The following GTF2H3 variants were observed in gnomAD, a reference collection of about 807,000 sequenced individuals.
The protein encoded by GTF2H3 is general transcription factor IIH subunit 3.
In GTF2H3, 42 loss-of-function variants were observed where a neutral mutation model predicts 51.1. That is an observed-to-expected ratio of 0.82 (90% confidence interval 0.64 to 1.06). The LOEUF (loss-of-function observed/expected upper bound fraction) is 1.06, where lower values mean the gene tolerates loss of function less well. Among genes scored for constraint, GTF2H3 ranks in the 50% least tolerant of loss-of-function variants. The pLI is 0.00. For synonymous variants in GTF2H3, 123 were observed against 123.8 expected, an observed-to-expected ratio of 0.99 and a Z score of 0.04; for missense variants, 326 against 366.1, an observed-to-expected ratio of 0.89 and a Z score of 0.89.
At chr12:123,660,141 A>C (rs750800435) in intron 12 of GTF2H3, 25 bp from the exon 13 acceptor site, 53 of 1,608,410 alleles carry the variant, frequency 3.3e-5, no homozygotes, top group African/African-American at 5.4e-5. Flanking sequence ...AACATTAAAA[A>C]ATGTTTTCCT....
At chr12:123,644,679 G>A (rs1010516794) in intron 2 of GTF2H3, among the ~76,000 whole-genome samples, 1 of 151,410 alleles carries the variant, frequency 6.6e-6, no homozygotes, top group African/African-American at 2.4e-5. Flanking sequence ...AAAAAAAAAA[G>A]TTTTTAATTC....
intron 2 of GTF2H3, chr12:123,639,894 C>CGTGT (rs567624663): frequency 0.031 from 12,796 of 419,246 alleles, 305 homozygotes; most frequent in African/African-American, 0.094. Context: ...TGTATGCGTG[C>CGTGT]GTGCGTGTAT....
At chr12:123,657,325 G>A (rs537401500) in intron 9 of GTF2H3, among the ~76,000 whole-genome samples, 2 of 152,324 alleles carry the variant, frequency 1.3e-5, no homozygotes, top group African/African-American at 4.8e-5. Context: ...CCTTCCAGAT[G>A]CTGCTTGCTG....
At chr12:123,635,008 G>A (rs1012546536) in intron 1 of GTF2H3, among the ~76,000 whole-genome samples, 6 of 152,152 alleles carry the variant, frequency 3.9e-5, no homozygotes, top group Non-Finnish European at 5.9e-5. Flanking sequence ...GTCCTTTCAG[G>A]AACTGTAATA....
chr12:123,634,994 G>A (rs1282587736), intron 1 of GTF2H3, among the ~76,000 whole-genome samples: 1 of 152,192 alleles, frequency 6.6e-6, no homozygotes, highest in Admixed American at 6.5e-5. Context: ...ATAGAGATAG[G>A]GGAGTCCTTT....
intron 1 of GTF2H3, among the ~76,000 whole-genome samples, chr12:123,635,439 GGCGCAC>G (rs1955266445): frequency 6.6e-6 from 1 of 151,972 alleles, no homozygotes; most frequent in South Asian, 2.1e-4. Flanking sequence ...CGGACAAGGT[GGCGCAC>G]ACCTATAATC....
Position 123,651,035 on chromosome 12 carries a change from T to C in GTF2H3, c.406T>C (p.Ser136Pro). The change falls in exon 5 of 13, where the codon TCC becomes CCC. Residue 136 changes from serine (S) to proline (P), a missense_variant. Physicochemically the swap from Ser to Pro is moderately conservative, Grantham distance 74. Coordinates refer to ENST00000543341, the MANE Select transcript of GTF2H3 (RefSeq NM_001516.5). ...GQHTETLLAGSLAKALCYIHR... is the reference protein window; with the variant it reads ...GQHTETLLAGPLAKALCYIHR... Reference sequence around the variant, plus strand: ...ACATACAGAAACTTTGCTGGCAGGATCCCTGGCCAAAGCCCTTTGCTGTAT... The same window carrying C: ...ACATACAGAAACTTTGCTGGCAGGACCCCTGGCCAAAGCCCTTTGCTGTAT... 6.2e-7 allele frequency: 1 copy of C among 1,612,858 alleles called. No individual in the cohort carries two copies. The highest frequency in any genetic ancestry group is 8.5e-7 in the Non-Finnish European group (1 of 1,178,900).
chr12:123,634,377 G>T (rs1955241780), intron 1 of GTF2H3, among the ~76,000 whole-genome samples: 1 of 152,218 alleles, frequency 6.6e-6, no homozygotes, highest in Non-Finnish European at 1.5e-5. Flanking sequence ...AGGAATTCGA[G>T]GCTTCAGTGA....
chr12:123,638,266 C>T (rs896183199), intron 1 of GTF2H3, among the ~76,000 whole-genome samples: 3 of 152,024 alleles, frequency 2.0e-5, no homozygotes, highest in Non-Finnish European at 4.4e-5. Context: ...TCAAGTGATT[C>T]TCCTGCCTCA....
At chr12:123,642,775 G>T (rs1026724071) in intron 2 of GTF2H3, among the ~76,000 whole-genome samples, 1 of 152,116 alleles carries the variant, frequency 6.6e-6, no homozygotes, top group Admixed American at 6.6e-5. Context: ...TTACACAGTT[G>T]CTTACACCAA....
chr12:123,648,013 A>C lies in GTF2H3; in HGVS notation c.251A>C (p.Asp84Ala). 16 of 1,612,920 alleles carry C rather than the reference A, an allele frequency of 9.9e-6. No homozygotes were observed. Among genetic ancestry groups the C allele is most frequent in the Non-Finnish European group, 1.4e-5 (16 of 1,178,962 alleles). Residue 84 changes from aspartate (D) to alanine (A), a missense_variant, in exon 4 of 13, where the codon GAC becomes GCC. Coordinates refer to ENST00000543341, the MANE Select transcript of GTF2H3 (RefSeq NM_001516.5). ...GGCAGACTTGGAGACTTCTTCGGAG[A>C]CCCTGGCAACCCTCCTGAATTTAAT... ...KNGRLGDFFG[D>A]PGNPPEFNPS...
intron 1 of GTF2H3, among the ~76,000 whole-genome samples, chr12:123,635,572 C>CAAAA (rs11316749): frequency 1.2e-5 from 1 of 85,390 alleles, no homozygotes; most frequent in East Asian, 4.9e-4. Flanking sequence ...GTCTCCGTCG[C>CAAAA]AAAAAAAAAA....
chr12:123,640,760 A>G (rs1158711596), intron 2 of GTF2H3, among the ~76,000 whole-genome samples: 1 of 152,144 alleles, frequency 6.6e-6, no homozygotes, highest in African/African-American at 2.4e-5. Flanking sequence ...TGGGTCTATA[A>G]ATAAGCCTCA....
chr12:123,650,317 T>G (rs988054271), intron 4 of GTF2H3: 26 of 152,138 alleles, frequency 1.7e-4, no homozygotes, highest in African/African-American at 5.1e-4. Context: ...GGAAAGAGCT[T>G]CTCCAGTCTT....
intron 3 of GTF2H3, among the ~76,000 whole-genome samples, chr12:123,645,811 G>T (rs1955438390): frequency 6.6e-6 from 1 of 152,106 alleles, no homozygotes; most frequent in Non-Finnish European, 1.5e-5. Context: ...TATTATTTAG[G>T]CAAAAAGGGA....
At chr12:123,652,650 A>G in intron 6 of GTF2H3, 57 bp from the exon 7 acceptor site, 2 of 1,536,104 alleles carry the variant, frequency 1.3e-6, no homozygotes, top group Non-Finnish European at 1.8e-6. Context: ...TGGTTAGGAA[A>G]CCATATATGA....
chr12:123,638,959 C>G (rs933127168), intron 1 of GTF2H3, among the ~76,000 whole-genome samples: 1 of 151,968 alleles, frequency 6.6e-6, no homozygotes, highest in East Asian at 1.9e-4. Flanking sequence ...CCACGCCCAT[C>G]TAATTTTTTG....
rs894553805 is a variant in GTF2H3 at position 123,662,260 on chromosome 12, C to G, written c.*2025C>G. On this transcript the variant is annotated 3_prime_UTR_variant, in exon 13 of 13. Coordinates refer to ENST00000543341, the MANE Select transcript of GTF2H3 (RefSeq NM_001516.5). ...TCATATTTAAATAATTTGATGTTGGCTTAGATAATTTCAGATAGATTTTAT... is the reference window on the plus strand; with the variant it reads ...TCATATTTAAATAATTTGATGTTGGGTTAGATAATTTCAGATAGATTTTAT... 3.3e-5 allele frequency: 5 copies of G among 151,392 alleles called. No individual in the cohort carries two copies. Among genetic ancestry groups the G allele is most frequent in the East Asian group, 1.9e-4 (1 of 5,170 alleles). 9.4% of individuals were successfully genotyped at this position (151,392 alleles called of 1,614,324 possible). A position where few individuals can be genotyped will look rare whatever the true frequency, so the allele number is the denominator to read the frequency against.
chr12:123,642,941 C>A (rs1955398325), intron 2 of GTF2H3, among the ~76,000 whole-genome samples: 1 of 152,124 alleles, frequency 6.6e-6, no homozygotes. Context: ...GTGGTGCAAT[C>A]TCGGCTTACC....
Sources: allele counts gnomAD v4.1 joint callset (sites outside exome capture counted in the v4.1 genomes callset), GRCh38; gene constraint gnomAD v4.1.1; transcripts MANE v1.5; gene names NCBI Gene and HGNC (gene_info 2026-07-23, HGNC 2026-07-21).